Variants in FYN observed in about 807,000 individuals in gnomAD.
FYN encodes the protein tyrosine-protein kinase Fyn.
FYN carries 10 observed loss-of-function variants against 70.2 expected under a neutral mutation model. That is an observed-to-expected ratio of 0.14 (90% CI 0.09 to 0.24). The LOEUF (loss-of-function observed/expected upper bound fraction) is 0.24. Among genes scored for constraint, FYN ranks in the 10% least tolerant of loss-of-function variants. FYN has a pLI of 1.00. For missense variants in FYN, 319 were observed against 673.1 expected (o/e 0.47, Z 5.82); for synonymous variants, 236 against 248.6 (o/e 0.95, Z 0.48).
At chr6:111,857,398 T>C (rs1264331108) in intron 1 of FYN, among the ~76,000 whole-genome samples, 1 of 152,102 alleles carries the variant, frequency 6.6e-6, no homozygotes, top group Non-Finnish European at 1.5e-5. Flanking sequence ...CCCCACACTA[T>C]CTTGAAACAT....
At chr6:111,670,951 G>C (rs530860601) in intron 13 of FYN, among the ~76,000 whole-genome samples, 1 of 152,212 alleles carries the variant, frequency 6.6e-6, no homozygotes, top group African/African-American at 2.4e-5. Context: ...TATGAAATCA[G>C]TTCTAATCTT....
Position 111,661,724 on chromosome 6 carries a change from C to A in FYN, c.*15G>T. On this transcript the variant is annotated 3_prime_UTR_variant, in exon 14 of 14. Coordinates refer to ENST00000354650, the MANE Select transcript of FYN (RefSeq NM_002037.5). This position sits in a 1 kb window ranked among gnomAD's most constrained non-coding sequence, Gnocchi z 4.0. ...GCAGCCTCTGGGACAAGGCCTCTCT[C>A]CGCAGACCCGGGCCTTACAGGTTTT... 1 of 1,610,088 alleles carries A rather than the reference C, an allele frequency of 6.2e-7. No individual in the cohort carries two copies. Among genetic ancestry groups the A allele is most frequent in the South Asian group, 1.1e-5 (1 of 90,590 alleles).
chr6:111,865,734 C>T (rs1397334939), intron 1 of FYN, among the ~76,000 whole-genome samples: 2 of 152,080 alleles, frequency 1.3e-5, no homozygotes, highest in Admixed American at 6.5e-5. Context: ...TTTTTTCTTA[C>T]TTTATAGTTC....
intron 3 of FYN, among the ~76,000 whole-genome samples, chr6:111,738,999 T>C (rs1801826546): frequency 6.6e-6 from 1 of 152,146 alleles, no homozygotes; most frequent in African/African-American, 2.4e-5. Flanking sequence ...TTCCATGCAT[T>C]CCTCCTGCCA....
chr6:111,802,233 T>C (rs575159272), intron 2 of FYN, among the ~76,000 whole-genome samples: 4 of 151,828 alleles, frequency 2.6e-5, no homozygotes, highest in Middle Eastern at 3.4e-3. Flanking sequence ...CCTCCCCCTC[T>C]CCTCTCCCAC....
intron 2 of FYN, among the ~76,000 whole-genome samples, chr6:111,790,283 CA>C (rs1223527817): frequency 6.7e-5 from 10 of 149,904 alleles, no homozygotes; most frequent in Non-Finnish European, 1.2e-4. Flanking sequence ...CACACACACA[CA>C]CACACACACA....
At chr6:111,847,578 A>T (rs998064230) in intron 1 of FYN, among the ~76,000 whole-genome samples, 1 of 152,128 alleles carries the variant, frequency 6.6e-6, no homozygotes. Context: ...AAGCTTTTCA[A>T]TGTGACTCTT....
At chr6:111,674,787 A>T (rs1292873125) in intron 12 of FYN, among the ~76,000 whole-genome samples, 157 bp from the exon 13 acceptor site, 1 of 152,114 alleles carries the variant, frequency 6.6e-6, no homozygotes, top group African/African-American at 2.4e-5. Context: ...GATTGGGAAG[A>T]TGTAGGGTCT....
intron 2 of FYN, among the ~76,000 whole-genome samples, chr6:111,781,736 TG>T (rs1227628491): frequency 2.6e-5 from 4 of 152,184 alleles, no homozygotes; most frequent in Non-Finnish European, 2.9e-5. Context: ...TTTCTCAGAA[TG>T]ATGTTTACAA....
chr6:111,855,760 G>A (rs574892994), intron 1 of FYN, among the ~76,000 whole-genome samples: 8 of 152,190 alleles, frequency 5.3e-5, no homozygotes, highest in Non-Finnish European at 1.2e-4. Context: ...GATCAAAGCA[G>A]TGAATGAAGC....
intron 5 of FYN, among the ~76,000 whole-genome samples, chr6:111,710,160 G>A (rs1160891660): frequency 6.6e-6 from 1 of 152,078 alleles, no homozygotes; most frequent in Non-Finnish European, 1.5e-5. Flanking sequence ...AAATGGCGAG[G>A]AAAAAATTAA....
intron 4 of FYN, among the ~76,000 whole-genome samples, chr6:111,715,094 T>G (rs1354800170): frequency 6.6e-6 from 1 of 152,130 alleles, no homozygotes; most frequent in Non-Finnish European, 1.5e-5. Context: ...CACACTGTCT[T>G]GTAGCACTCA....
At chr6:111,832,568 C>G (rs1053077721) in intron 2 of FYN, among the ~76,000 whole-genome samples, 1 of 151,280 alleles carries the variant, frequency 6.6e-6, no homozygotes, top group African/African-American at 2.5e-5. Flanking sequence ...ATTTAACAAC[C>G]TTAAACATTT....
chr6:111,673,619 A>ATTTTTTTT (rs1184612877), intron 13 of FYN, among the ~76,000 whole-genome samples: 4 of 65,010 alleles, frequency 6.2e-5, no homozygotes, highest in Non-Finnish European at 6.5e-5. Context: ...CGTTTCTATC[A>ATTTTTTTT]TTGTTTTTTT....
chr6:111,859,157 T>C (rs1773896164), intron 1 of FYN, among the ~76,000 whole-genome samples: 1 of 152,146 alleles, frequency 6.6e-6, no homozygotes, highest in Admixed American at 6.5e-5. Context: ...AGACCCTTCC[T>C]TACCTATCAC....
chr6:111,821,882 A>C (rs9400508), intron 2 of FYN, among the ~76,000 whole-genome samples: 6,997 of 152,274 alleles, frequency 0.046, 183 homozygotes, highest in East Asian at 0.14. Context: ...TGAAAAAATG[A>C]TCATCATCAC....
Position 111,745,451 on chromosome 6 carries a change from G to T in FYN, c.-11-25389C>A, listed in dbSNP as rs187680735. On this transcript the variant is annotated intron_variant, in intron 3 of 13. Coordinates refer to ENST00000354650, the MANE Select transcript of FYN (RefSeq NM_002037.5). ...ACTGGTGAAAAAGGGGGTGCGCAAGGGGATGGGCAGGGTGCTTTGCAGGCT... is the reference window on the plus strand; with the variant it reads ...ACTGGTGAAAAAGGGGGTGCGCAAGTGGATGGGCAGGGTGCTTTGCAGGCT... Among the ~76,000 whole-genome samples the T allele has an allele frequency of 3.1e-3, 474 of 152,282 alleles. 2 individuals carry two copies. The highest frequency in any genetic ancestry group is 5.6e-3 in the Non-Finnish European group (380 of 68,024).
At chr6:111,790,253 C>T (rs944565192) in intron 2 of FYN, among the ~76,000 whole-genome samples, 3 of 56,604 alleles carry the variant, frequency 5.3e-5, no homozygotes, top group Admixed American at 1.4e-4. Flanking sequence ...TAGATACACA[C>T]ACACACACAC....
intron 3 of FYN, among the ~76,000 whole-genome samples, chr6:111,772,941 T>A (rs973811128): frequency 7.2e-4 from 110 of 151,956 alleles, no homozygotes; most frequent in African/African-American, 2.6e-3. Context: ...TATAAAATTA[T>A]TATTAAATTT....
Sources: allele counts gnomAD v4.1 joint callset (sites outside exome capture counted in the v4.1 genomes callset), GRCh38; gene constraint gnomAD v4.1.1; non-coding constraint Gnocchi (gnomAD v3.1); transcripts MANE v1.5; gene names NCBI Gene and HGNC (gene_info 2026-07-23, HGNC 2026-07-21).